The following ANO4 variants were observed in gnomAD, a reference collection of about 807,000 sequenced individuals.
ANO4 encodes anoctamin 4.
Under a neutral mutation model 141.9 loss-of-function variants are expected in ANO4, and 69 were observed. That is an observed-to-expected ratio of 0.49 (90% confidence interval 0.40 to 0.59). The LOEUF is 0.59. Ranked by LOEUF, ANO4 falls within the 20% of genes least tolerant of loss-of-function variation. The pLI, the probability that ANO4 is intolerant of heterozygous loss-of-function variation, is 0.00. For missense variants in ANO4, 894 were observed against 1,162.2 expected (o/e 0.77, Z 3.36); for synonymous variants, 350 against 394.3 (o/e 0.89, Z 1.33).
chr12:100,917,943 A>G (rs573692), intron 2 of ANO4, among the ~76,000 whole-genome samples: 104,872 of 152,106 alleles, frequency 0.69, 36,259 homozygotes, highest in Middle Eastern at 0.76. Context: ...TGCAGTCTTT[A>G]TTTTCAGTCT....
At chr12:100,790,473 G>C (rs1217833457), upstream of ANO4, among the ~76,000 whole-genome samples, 1 of 152,140 alleles carries the variant, frequency 6.6e-6, no homozygotes, top group East Asian at 1.9e-4. Context: ...GGTAACATTG[G>C]TAAGACTTAA....
intron 3 of ANO4, among the ~76,000 whole-genome samples, chr12:100,924,601 G>C (rs1166147469): frequency 6.6e-6 from 1 of 152,050 alleles, no homozygotes; most frequent in African/African-American, 2.4e-5. Flanking sequence ...ATGAATAAAA[G>C]AGAAAAAATT....
intron 15 of ANO4, among the ~76,000 whole-genome samples, chr12:101,082,498 T>A (rs2049324307): frequency 6.6e-6 from 1 of 152,242 alleles, no homozygotes; most frequent in African/African-American, 2.4e-5. Context: ...TATGGCCCAA[T>A]AAATTGAAAG....
intron 7 of ANO4, among the ~76,000 whole-genome samples, chr12:100,979,677 G>A (rs1398629532): frequency 5.3e-5 from 8 of 152,096 alleles, no homozygotes; most frequent in Non-Finnish European, 1.0e-4. Context: ...CATGTGTGCA[G>A]AGGAGAGGCT....
chr12:101,095,950 C>G (rs1197518283), intron 18 of ANO4, among the ~76,000 whole-genome samples: 1 of 152,170 alleles, frequency 6.6e-6, no homozygotes, highest in Non-Finnish European at 1.5e-5. Context: ...TTATAAGACA[C>G]AGATGGTGAT....
intron 1 of ANO4, among the ~76,000 whole-genome samples, chr12:100,828,404 C>G (rs1271372510): frequency 6.6e-6 from 1 of 151,994 alleles, no homozygotes; most frequent in Non-Finnish European, 1.5e-5. Flanking sequence ...GTGCTTTCCC[C>G]ATCCTTTAGC....
rs75011471 is a variant in ANO4, at chr12:100,928,831, G to A, written c.160+6501G>A. ...GTAGTAGTAAGAGAAGCTCTTCTTA[G>A]CAAATACGCTAAATCAGAAACAAGT... On this transcript the variant is annotated intron_variant, in intron 3 of 27. Transcript: ENST00000392977. Among the ~76,000 whole-genome samples the A allele has an allele frequency of 9.5e-4, 144 of 152,208 alleles. 1 individual carries two copies. The highest frequency in any genetic ancestry group is 3.4e-3 in the African/African-American group (140 of 41,560).
intron 13 of ANO4, among the ~76,000 whole-genome samples, chr12:101,043,904 A>T (rs2047519951): frequency 6.6e-6 from 1 of 152,204 alleles, no homozygotes; most frequent in African/African-American, 2.4e-5. Flanking sequence ...AGTTAGGTCC[A>T]AATTTTGACT....
At chr12:101,098,927 C>T (rs2050088374) in intron 21 of ANO4, among the ~76,000 whole-genome samples, 1 of 152,132 alleles carries the variant, frequency 6.6e-6, no homozygotes, top group East Asian at 1.9e-4. Context: ...TTGTCCTGTA[C>T]AGAACACAGA....
intron 3 of ANO4, among the ~76,000 whole-genome samples, chr12:100,785,063 G>A (rs2033825863): frequency 1.3e-5 from 2 of 152,140 alleles, no homozygotes; most frequent in South Asian, 4.2e-4. Context: ...AGTCTTCAGG[G>A]AAATTCAGTT....
intron 3 of ANO4, among the ~76,000 whole-genome samples, chr12:100,745,752 G>A (rs185636960): frequency 6.6e-6 from 1 of 152,222 alleles, no homozygotes; most frequent in Admixed American, 6.5e-5. Flanking sequence ...TATTTAAAAA[G>A]GCAATGACTG....
At chr12:101,047,079 A>G (rs1436922143) in intron 13 of ANO4, among the ~76,000 whole-genome samples, 2 of 152,270 alleles carry the variant, frequency 1.3e-5, no homozygotes. Flanking sequence ...GTGAAACCCC[A>G]TCTCTACAAA....
chr12:100,888,652 G>A (rs1461380888), intron 1 of ANO4, among the ~76,000 whole-genome samples: 1 of 152,208 alleles, frequency 6.6e-6, no homozygotes, highest in Non-Finnish European at 1.5e-5. Flanking sequence ...AGGGAGCCCA[G>A]GTGATGAAGG....
intron 5 of ANO4, among the ~76,000 whole-genome samples, chr12:100,960,503 A>C (rs2043370922): frequency 6.6e-6 from 1 of 152,098 alleles, no homozygotes; most frequent in Non-Finnish European, 1.5e-5. Context: ...TAAATATAAC[A>C]GACTGAGGAG....
intron 3 of ANO4, among the ~76,000 whole-genome samples, chr12:100,935,731 T>C (rs2136153193): frequency 6.6e-6 from 1 of 152,326 alleles, no homozygotes; most frequent in South Asian, 2.1e-4. Flanking sequence ...CTAGCTCAGC[T>C]CAGTGTCTGC....
At chr12:101,057,082 C>G (rs1167146415) in intron 14 of ANO4, among the ~76,000 whole-genome samples, 4 of 151,548 alleles carry the variant, frequency 2.6e-5, no homozygotes, top group Non-Finnish European at 5.9e-5. Flanking sequence ...TCAACTCCCA[C>G]TTAGGAGTGA....
At chr12:100,834,113 C>A (rs1238889318) in intron 1 of ANO4, among the ~76,000 whole-genome samples, 3 of 152,148 alleles carry the variant, frequency 2.0e-5, no homozygotes, top group African/African-American at 4.8e-5. Context: ...ATCTGGTGAA[C>A]AGTCTCATAA....
At chr12:100,865,549 G>T (rs542965524) in intron 1 of ANO4, among the ~76,000 whole-genome samples, 1 of 152,136 alleles carries the variant, frequency 6.6e-6, no homozygotes, top group East Asian at 1.9e-4. Context: ...ACAAACATAT[G>T]AAAAAAAGCT....
At chr12:101,091,975 A>G (rs1331184767) in intron 17 of ANO4, among the ~76,000 whole-genome samples, 1 of 152,154 alleles carries the variant, frequency 6.6e-6, no homozygotes, top group Non-Finnish European at 1.5e-5. Flanking sequence ...GTCTTGAAAA[A>G]TAAATATTTC....
Sources: allele counts gnomAD v4.1 joint callset (sites outside exome capture counted in the v4.1 genomes callset), GRCh38; gene constraint gnomAD v4.1.1; transcripts MANE v1.5; gene names NCBI Gene and HGNC (gene_info 2026-07-23, HGNC 2026-07-21).